Variants in VPS35L observed in about 807,000 individuals in gnomAD.
The protein encoded by VPS35L is VPS35 endosomal protein sorting factor like, also known as VPS35 endosomal protein-sorting factor-like.
VPS35L carries 83 observed loss-of-function variants against 133.0 expected under a neutral mutation model. That is an observed-to-expected ratio of 0.62 (90% CI 0.52 to 0.75). VPS35L has a LOEUF of 0.75. Among genes scored for constraint, VPS35L ranks in the 30% least tolerant of loss-of-function variants. The probability of loss-of-function intolerance (pLI) is 0.00; values close to 1 mark genes in which losing one functional copy is unlikely to be tolerated. For missense variants in VPS35L, 1,083 were observed against 1,206.8 expected, an observed-to-expected ratio of 0.90 and a Z score of 1.52; for synonymous variants, 423 against 449.9, an observed-to-expected ratio of 0.94 and a Z score of 0.76.
At chr16:19,559,326 GAA>G (rs1360885353) in intron 1 of VPS35L, among the ~76,000 whole-genome samples, 1 of 152,214 alleles carries the variant, frequency 6.6e-6, no homozygotes, top group African/African-American at 2.4e-5. Context: ...GGTGATCTGT[GAA>G]CCACATTTTG....
At position 19,691,607 on chromosome 16, in the gene VPS35L, T is replaced by C. The variant is rs1975689966; in HGVS notation, c.2646+136T>C. 6.1e-6 allele frequency: 4 copies of C among 651,020 alleles called. No homozygotes were observed. In the East Asian group the frequency reaches 9.0e-5, roughly 15 times the overall value. 40.3% of individuals were successfully genotyped at this position (651,020 alleles called of 1,614,324 possible). A position where few individuals can be genotyped will look rare whatever the true frequency, so the allele number is the denominator to read the frequency against. On this transcript the variant is annotated intron_variant, in intron 29 of 30. Transcript: ENST00000417362. The stretch of plus-strand genomic sequence containing the variant: ...TGTTTATGTGCAAACCACTTCTCCA[T>C]TGCTTTGGGGCCTTCGCTCCTGCTG...
chr16:19,565,727 CCCTT>C (rs1331537237), intron 2 of VPS35L, among the ~76,000 whole-genome samples: 3 of 152,256 alleles, frequency 2.0e-5, no homozygotes, highest in South Asian at 4.1e-4. Context: ...CATTTTTACT[CCCTT>C]CCTTCCTCCT....
intron 2 of VPS35L, 115 bp downstream of exon 2, chr16:19,565,065 T>A: frequency 1.3e-6 from 1 of 761,986 alleles, no homozygotes. Flanking sequence ...ATTTGATTTT[T>A]TTTTTTTTTT....
chr16:19,581,451 TA>T, intron 6 of VPS35L, 73 bp from the exon 7 acceptor site: 1 of 1,412,054 alleles, frequency 7.1e-7, no homozygotes, highest in Non-Finnish European at 9.3e-7. Context: ...AGCCAATACC[TA>T]GTATTCTTTA....
At chr16:19,666,888 CT>C (rs1460423321) in intron 26 of VPS35L, among the ~76,000 whole-genome samples, 13 of 113,576 alleles carry the variant, frequency 1.1e-4, no homozygotes, top group East Asian at 2.5e-4. Context: ...TTCTTTCTTT[CT>C]TTCTTTCTTT....
intron 1 of VPS35L, among the ~76,000 whole-genome samples, chr16:19,556,990 T>C (rs1442325802): frequency 2.6e-5 from 4 of 151,920 alleles, no homozygotes; most frequent in Admixed American, 2.6e-4. Flanking sequence ...CTGGGCTAAA[T>C]TAGTGGTGGC....
chr16:19,591,542 C>G (rs1171697051), intron 7 of VPS35L, among the ~76,000 whole-genome samples: 1 of 148,678 alleles, frequency 6.7e-6, no homozygotes, highest in Non-Finnish European at 1.5e-5. Flanking sequence ...ATAGCGAGAC[C>G]CCATCTCTAC....
At chr16:19,625,161 C>G (rs967957973) in intron 14 of VPS35L, among the ~76,000 whole-genome samples, 1 of 152,110 alleles carries the variant, frequency 6.6e-6, no homozygotes, top group Non-Finnish European at 1.5e-5. Flanking sequence ...AAGAACGTGG[C>G]CTTTGATCCC....
intron 12 of VPS35L, among the ~76,000 whole-genome samples, chr16:19,612,568 C>A (rs1382458400): frequency 6.6e-6 from 1 of 152,100 alleles, no homozygotes; most frequent in Non-Finnish European, 1.5e-5. Flanking sequence ...TTATGTATTT[C>A]TTCTCTGCTG....
Position 19,688,535 on chromosome 16 carries a change from C to T in VPS35L, c.2528-2818C>T, listed in dbSNP as rs530603747. On this transcript the variant is annotated intron_variant, in intron 28 of 30. Coordinates refer to ENST00000417362, the MANE Select transcript of VPS35L (RefSeq NM_020314.7). ...TGGCTCTTGGTTTATGAGATATCCA[C>T]GCACTCAGGACAGTGACCCAGATTG... 1.1e-4 allele frequency among the ~76,000 whole-genome samples: 17 copies of T among 152,302 alleles called. No homozygotes were observed. In the East Asian group the frequency reaches 1.9e-3, roughly 17 times the overall value.
chr16:19,609,500 A>C (rs961600948), intron 11 of VPS35L, among the ~76,000 whole-genome samples: 5 of 152,218 alleles, frequency 3.3e-5, no homozygotes, highest in Non-Finnish European at 4.4e-5. Flanking sequence ...AAATGACGTC[A>C]GAAGCAGAAG....
intron 26 of VPS35L, 70 bp downstream of exon 26, chr16:19,652,160 ATG>A: frequency 9.4e-7 from 1 of 1,060,968 alleles, no homozygotes; most frequent in Admixed American, 2.0e-5. Context: ...GTGTGTGCGT[ATG>A]TGTGTAGAGA....
At chr16:19,652,738 T>C (rs965861656) in intron 26 of VPS35L, 3 of 152,272 alleles carry the variant, frequency 2.0e-5, no homozygotes, top group African/African-American at 7.2e-5. Flanking sequence ...GGTAGATTCA[T>C]GTTTGTTTGT....
intron 26 of VPS35L, among the ~76,000 whole-genome samples, chr16:19,658,349 A>G (rs1002626497): frequency 1.3e-5 from 2 of 152,032 alleles, no homozygotes; most frequent in East Asian, 3.9e-4. Context: ...GGCCAACATG[A>G]TGAAACCTCG....
chr16:19,607,977 C>T (rs990128867), intron 9 of VPS35L: 14 of 564,486 alleles, frequency 2.5e-5, no homozygotes, highest in Non-Finnish European at 3.8e-5. Context: ...TAAAGCACTG[C>T]GAACGACACT....
intron 1 of VPS35L, among the ~76,000 whole-genome samples, chr16:19,559,439 G>T (rs1481842675): frequency 6.6e-6 from 1 of 152,122 alleles, no homozygotes; most frequent in African/African-American, 2.4e-5. Flanking sequence ...TTACATTACT[G>T]GGGGTTGGAA....
At chr16:19,674,398 G>A (rs919334193) in intron 27 of VPS35L, among the ~76,000 whole-genome samples, 1 of 151,266 alleles carries the variant, frequency 6.6e-6, no homozygotes, top group Admixed American at 6.6e-5. Flanking sequence ...ATTTCATCAT[G>A]TTGGCCAGGC....
intron 28 of VPS35L, among the ~76,000 whole-genome samples, chr16:19,691,140 C>T (rs1975664689): frequency 1.3e-5 from 2 of 152,302 alleles, no homozygotes; most frequent in Non-Finnish European, 1.5e-5. Flanking sequence ...GGGTGACTTC[C>T]ACACCCCTGG....
At chr16:19,690,336 G>A (rs1411751687) in intron 28 of VPS35L, among the ~76,000 whole-genome samples, 2 of 152,212 alleles carry the variant, frequency 1.3e-5, no homozygotes, top group Admixed American at 6.5e-5. Context: ...AAGGAGGGAG[G>A]GAGGAGGAAG....
Sources: allele counts gnomAD v4.1 joint callset (sites outside exome capture counted in the v4.1 genomes callset), GRCh38; gene constraint gnomAD v4.1.1; transcripts MANE v1.5; gene names NCBI Gene and HGNC (gene_info 2026-07-23, HGNC 2026-07-21).